Variants in ASIC2 observed in about 807,000 individuals in gnomAD.
ASIC2 encodes acid sensing ion channel subunit 2, also known as acid-sensing ion channel 2.
In ASIC2, 25 loss-of-function variants were observed where a neutral mutation model predicts 57.3. That is an observed-to-expected ratio of 0.44 (90% CI 0.32 to 0.61). The LOEUF is 0.61. ASIC2 is among the 20% of genes least tolerant of loss of function. ASIC2 has a pLI of 0.06. For synonymous variants in ASIC2, 319 were observed against 307.5 expected (o/e 1.04, Z -0.39); for missense variants, 641 against 738.1 (o/e 0.87, Z 1.52).
At chr17:33,882,810 G>T (rs138047517) in intron 1 of ASIC2, among the ~76,000 whole-genome samples, 2 of 152,118 alleles carry the variant, frequency 1.3e-5, no homozygotes, top group African/African-American at 4.8e-5. Context: ...ACATGCACAC[G>T]TATGTTTATT....
At chr17:34,044,498 C>T (rs745426098) in intron 1 of ASIC2, among the ~76,000 whole-genome samples, 3 of 152,098 alleles carry the variant, frequency 2.0e-5, no homozygotes, top group Non-Finnish European at 4.4e-5. Flanking sequence ...TTGAAAGCGG[C>T]CAGGCGTTCC....
rs117615389 is a variant in ASIC2 at position 34,066,287 on chromosome 17, C to T, written c.555+89691G>A. On this transcript the variant is annotated intron_variant, in intron 1 of 9. Coordinates refer to the ASIC2 transcript ENST00000359872. ...GGAACCACTGGTTAATTAAGTCGTT[C>T]ATCTCTTTGTGATCTCTCTAAGCCA... Among the ~76,000 whole-genome samples, 1,256 of 152,332 alleles carry T rather than the reference C, an allele frequency of 8.2e-3. 16 individuals are homozygous for T. The highest frequency in any genetic ancestry group is 0.022 in the Admixed American group (333 of 15,302).
intron 1 of ASIC2, among the ~76,000 whole-genome samples, chr17:33,332,952 C>T (rs543799506): frequency 2.6e-5 from 4 of 152,230 alleles, no homozygotes; most frequent in Admixed American, 2.6e-4. Flanking sequence ...TAGCAGCATG[C>T]CTAGGAGAGG....
At chr17:33,980,380 T>A (rs530718857) in intron 1 of ASIC2, among the ~76,000 whole-genome samples, 3 of 152,178 alleles carry the variant, frequency 2.0e-5, no homozygotes, top group African/African-American at 7.2e-5. Context: ...CCAGATGAGC[T>A]TAGACACTTA....
intron 1 of ASIC2, among the ~76,000 whole-genome samples, chr17:33,518,812 G>A (rs76345868): frequency 6.6e-5 from 10 of 151,962 alleles, no homozygotes; most frequent in Admixed American, 6.6e-4. Context: ...CAGTGGCCCT[G>A]TGAGATAACT....
At chr17:33,859,195 C>T (rs185039409) in intron 1 of ASIC2, among the ~76,000 whole-genome samples, 89 of 152,274 alleles carry the variant, frequency 5.8e-4, no homozygotes, top group Admixed American at 2.7e-3. Flanking sequence ...TGACTTCTAC[C>T]TCAATACCAT....
At chr17:33,817,146 C>T (rs149185965) in intron 1 of ASIC2, among the ~76,000 whole-genome samples, 23 of 152,266 alleles carry the variant, frequency 1.5e-4, no homozygotes, top group East Asian at 1.9e-4. Flanking sequence ...TCTGGGCATC[C>T]GGATTCTTCG....
At chr17:33,805,212 A>G (rs368986588) in intron 1 of ASIC2, among the ~76,000 whole-genome samples, 79 of 152,250 alleles carry the variant, frequency 5.2e-4, no homozygotes, top group African/African-American at 1.7e-3. Context: ...TTGATGTTAC[A>G]GTTGGCCTGT....
rs192361834 is a variant in ASIC2, at chr17:33,037,368, C to A, written c.988-8976G>T. On this transcript the variant is annotated intron_variant, in intron 3 of 9. Coordinates refer to ENST00000225823, the MANE Select transcript of ASIC2 (RefSeq NM_183377.2). Reference sequence around the variant, plus strand: ...CTCTGGAGATGGGCCAAGGTTTGTTCAGGGTCAGCCACTTCCCCCTCTTTT... The same window carrying A: ...CTCTGGAGATGGGCCAAGGTTTGTTAAGGGTCAGCCACTTCCCCCTCTTTT... Among the ~76,000 whole-genome samples, 11 of 147,778 alleles carry A rather than the reference C, an allele frequency of 7.4e-5. 1 individual carries two copies. The East Asian group carries it at 2.0e-3, about 26-fold the overall frequency.
intron 1 of ASIC2, among the ~76,000 whole-genome samples, chr17:33,185,104 G>A (rs1025305949): frequency 1.3e-5 from 2 of 152,158 alleles, no homozygotes; most frequent in African/African-American, 2.4e-5. Flanking sequence ...TAACAGAAGC[G>A]TCAATGGAAC....
chr17:33,172,859 G>A (rs1469133930), intron 1 of ASIC2, among the ~76,000 whole-genome samples: 2 of 152,182 alleles, frequency 1.3e-5, no homozygotes, highest in Non-Finnish European at 2.9e-5. Flanking sequence ...CCTTCCAGCT[G>A]TCACTTCACT....
At position 33,406,289 on chromosome 17, in the gene ASIC2, T is replaced by G. The variant is rs905966062; in HGVS notation, c.556-294222A>C. Among the ~76,000 whole-genome samples, 22 of 152,334 alleles carry G rather than the reference T, an allele frequency of 1.4e-4. No homozygotes were observed. The East Asian group carries it at 1.7e-3, about 12-fold the overall frequency. On this transcript the variant is annotated intron_variant, in intron 1 of 9. Transcript: ENST00000359872. ...TATGCATCAGCCCACAGACTTGATA[T>G]GAGAACATTAAGGTGCTGTGTCTGA...
At chr17:33,314,609 T>A (rs988870295) in intron 1 of ASIC2, among the ~76,000 whole-genome samples, 3 of 152,136 alleles carry the variant, frequency 2.0e-5, no homozygotes, top group African/African-American at 7.2e-5. Flanking sequence ...ATGTCAGGAT[T>A]TTCACATTGA....
rs528568979 is a variant in ASIC2 at position 33,539,830 on chromosome 17, A to G, written c.556-427763T>C. 2.6e-5 allele frequency among the ~76,000 whole-genome samples: 4 copies of G among 152,342 alleles called. No individual in the cohort carries two copies. The South Asian group carries it at 8.3e-4, about 32-fold the overall frequency. On this transcript the variant is annotated intron_variant, in intron 1 of 9. Coordinates refer to the ASIC2 transcript ENST00000359872. ...ATTACATGGGAGAGTGCAGGGAACA[A>G]CATGAGACCCATGCAGTGTCATGGG...
At chr17:33,930,170 C>T (rs1292157602) in intron 1 of ASIC2, among the ~76,000 whole-genome samples, 5 of 152,308 alleles carry the variant, frequency 3.3e-5, no homozygotes, top group South Asian at 4.1e-4. Flanking sequence ...ATCAGTAATT[C>T]GTCTTTATCC....
intron 1 of ASIC2, among the ~76,000 whole-genome samples, chr17:33,356,774 A>C (rs181723120): frequency 2.6e-5 from 4 of 152,216 alleles, no homozygotes; most frequent in Admixed American, 2.6e-4. Flanking sequence ...TCTTTGGAAA[A>C]TGAGCTATTA....
chr17:33,450,776 A>G (rs1597732063), intron 1 of ASIC2, among the ~76,000 whole-genome samples: 1 of 152,198 alleles, frequency 6.6e-6, no homozygotes, highest in South Asian at 2.1e-4. Context: ...CTAGATGTGG[A>G]AATAATTATG....
intron 1 of ASIC2, among the ~76,000 whole-genome samples, chr17:33,747,931 G>A (rs1910316099): frequency 6.6e-6 from 1 of 152,234 alleles, no homozygotes; most frequent in East Asian, 1.9e-4. Flanking sequence ...AGAAGCCAGT[G>A]CTAATTCAGT....
chr17:33,726,883 C>T (rs886246351), intron 1 of ASIC2, among the ~76,000 whole-genome samples: 1 of 152,232 alleles, frequency 6.6e-6, no homozygotes, highest in African/African-American at 2.4e-5. Flanking sequence ...TTCAGAGATA[C>T]TTGGTCTTGC....
Sources: allele counts gnomAD v4.1 joint callset (sites outside exome capture counted in the v4.1 genomes callset), GRCh38; gene constraint gnomAD v4.1.1; transcripts MANE v1.5; gene names NCBI Gene and HGNC (gene_info 2026-07-23, HGNC 2026-07-21).